Variants in ARID1B observed in about 807,000 individuals in gnomAD.
ARID1B encodes AT-rich interactive domain-containing protein 1B.
A neutral mutation model predicts 212.3 loss-of-function variants in ARID1B; 30 were observed. The observed-to-expected ratio is 0.14, with a 90% CI of 0.11 to 0.19. The LOEUF (loss-of-function observed/expected upper bound fraction) is 0.19, where lower values mean the gene tolerates loss of function less well. Ranked by LOEUF, ARID1B falls within the 10% of genes least tolerant of loss-of-function variation. The pLI is 1.00. For synonymous variants in ARID1B, 1,402 were observed against 1,301.7 expected (o/e 1.08, Z -1.66); for missense variants, 2,891 against 3,204.0 (o/e 0.90, Z 2.36).
chr6:157,012,664 T>C (rs1389265939), intron 4 of ARID1B, among the ~76,000 whole-genome samples: 1 of 152,208 alleles, frequency 6.6e-6, no homozygotes, highest in African/African-American at 2.4e-5. Flanking sequence ...CCTCAAATAA[T>C]TGTACGTGAC....
In ARID1B at chr6:156,976,818, A is replaced by C. The variant is rs530048032; in HGVS notation, c.2247+41242A>C. 31 of 573,586 alleles carry C rather than the reference A, an allele frequency of 5.4e-5. No homozygotes were observed. The African/African-American group carries it at 5.4e-4, about 10-fold the overall frequency. The allele number at this position is 573,586 out of a possible 1,614,324, so 35.5% of individuals were successfully genotyped here. A position where few individuals can be genotyped will look rare whatever the true frequency, so the allele number is the denominator to read the frequency against. On this transcript the variant is annotated intron_variant, in intron 4 of 19. Transcript: ENST00000636930. ...CAGGAAAAACTCCTAACTCAGTTAC[A>C]TTGGCAAATTTGAAATCATTGATGA...
intron 2 of ARID1B, among the ~76,000 whole-genome samples, chr6:156,872,963 G>A (rs950549457): frequency 2.0e-5 from 3 of 152,082 alleles, no homozygotes; most frequent in Admixed American, 6.5e-5. Flanking sequence ...AGGCTACTCC[G>A]TGTGCTGAAG....
At chr6:156,922,588 A>G (rs987141637) in intron 3 of ARID1B, among the ~76,000 whole-genome samples, 3 of 152,292 alleles carry the variant, frequency 2.0e-5, no homozygotes, top group East Asian at 1.9e-4. Context: ...TGTTTCAGTT[A>G]TTTAGAAAAG....
chr6:156,934,946 A>ATATATATATATATATATATATG (rs1792066345), intron 3 of ARID1B, among the ~76,000 whole-genome samples: 1 of 91,202 alleles, frequency 1.1e-5, no homozygotes, highest in South Asian at 3.0e-4. Context: ...ATATATATAT[A>ATATATATATATATATATATATG]TATATATATA....
intron 4 of ARID1B, among the ~76,000 whole-genome samples, chr6:157,061,055 C>A (rs887906789): frequency 2.0e-5 from 3 of 152,188 alleles, no homozygotes; most frequent in Non-Finnish European, 4.4e-5. Flanking sequence ...TGGTCTGTCT[C>A]ACCTCCTGTG....
rs1790435998 is a variant in ARID1B at position 156,917,291 on chromosome 6, T to C, written c.2136+15766T>C. ...AATGGGTATTATGAAAGTGTACTTA[T>C]TTACCTCAGGGTCTGTTGGACAAGC... On this transcript the variant is annotated intron_variant, in intron 3 of 19. Transcript: ENST00000636930. Among the ~76,000 whole-genome samples the C allele has an allele frequency of 2.0e-5, 3 of 152,248 alleles. No homozygotes were observed. In the South Asian group the frequency reaches 6.2e-4, roughly 32 times the overall value.
intron 13 of ARID1B, among the ~76,000 whole-genome samples, chr6:157,187,333 G>A (rs1162170176): frequency 6.6e-6 from 1 of 152,178 alleles, no homozygotes; most frequent in Non-Finnish European, 1.5e-5. Flanking sequence ...GTGGCTGACT[G>A]AATTTCTATT....
intron 5 of ARID1B, among the ~76,000 whole-genome samples, chr6:157,093,497 A>G (rs919291009): frequency 2.0e-5 from 3 of 152,246 alleles, no homozygotes; most frequent in Admixed American, 1.3e-4. Flanking sequence ...GTCATTGACT[A>G]ATGAAGAACA....
intron 2 of ARID1B, among the ~76,000 whole-genome samples, chr6:156,865,947 C>T (rs139735195): frequency 7.2e-5 from 11 of 152,094 alleles, no homozygotes; most frequent in East Asian, 3.9e-4. Context: ...GTTTCCTTGT[C>T]GTCTAACTTG....
intron 4 of ARID1B, among the ~76,000 whole-genome samples, chr6:157,070,746 G>GT (rs1238157121): frequency 3.3e-5 from 5 of 152,152 alleles, no homozygotes; most frequent in Non-Finnish European, 7.4e-5. Flanking sequence ...ATTAGGAACA[G>GT]TTTTATTTAC....
chr6:156,789,408 C>A (rs879328993), intron 1 of ARID1B, among the ~76,000 whole-genome samples: 1 of 152,132 alleles, frequency 6.6e-6, no homozygotes, highest in Non-Finnish European at 1.5e-5. Context: ...GGGCAGAAGG[C>A]ACATGTTTGT....
chr6:157,140,609 A>G (rs1192446617), intron 7 of ARID1B: 10 of 398,422 alleles, frequency 2.5e-5, no homozygotes, highest in Non-Finnish European at 4.4e-5. Context: ...TACCCTTTTT[A>G]TAGAGGAAGA....
intron 4 of ARID1B, among the ~76,000 whole-genome samples, chr6:157,046,370 A>G (rs572756892): frequency 1.3e-5 from 2 of 152,098 alleles, no homozygotes; most frequent in African/African-American, 4.8e-5. Context: ...GTCTCACCTG[A>G]TGTCTGGCTT....
intron 5 of ARID1B, among the ~76,000 whole-genome samples, chr6:157,105,263 A>G (rs917993890): frequency 1.3e-5 from 2 of 152,184 alleles, no homozygotes; most frequent in Non-Finnish European, 2.9e-5. Context: ...TAGAGAGAAT[A>G]GCTTCCTAAC....
chr6:157,025,952 T>C (rs1181069167), intron 4 of ARID1B, among the ~76,000 whole-genome samples: 1 of 149,866 alleles, frequency 6.7e-6, no homozygotes, highest in Non-Finnish European at 1.5e-5. Flanking sequence ...TGAGGTGGAG[T>C]CTCGCCCTGT....
At chr6:156,899,928 T>C (rs111341523) in intron 2 of ARID1B, among the ~76,000 whole-genome samples, 1 of 152,326 alleles carries the variant, frequency 6.6e-6, no homozygotes, top group South Asian at 2.1e-4. Context: ...GTGTGAAATA[T>C]AGTATTAGAT....
chr6:157,040,216 G>A (rs1410667835), intron 4 of ARID1B, among the ~76,000 whole-genome samples: 2 of 152,208 alleles, frequency 1.3e-5, no homozygotes, highest in African/African-American at 4.8e-5. Context: ...GGGATTACAG[G>A]CGCAAGCCAC....
Position 156,778,071 on chromosome 6 carries a change from T to A in ARID1B, c.391T>A (p.Ser131Thr), listed in dbSNP as rs746200189. 2 of 1,538,074 alleles carry A rather than the reference T, an allele frequency of 1.3e-6. No homozygotes were observed. The highest frequency in any genetic ancestry group is 1.7e-6 in the Non-Finnish European group (2 of 1,145,824). ...SSSSAAAAAASSSSSSGPGSA... is the reference protein window; with the variant it reads ...SSSSAAAAAATSSSSSGPGSA... ...CTCCTCCGCGGCGGCAGCGGCGGCA[T>A]CCTCTTCCTCCTCGTCGGGCCCGGG... Residue 131 changes from serine (S) to threonine (T), a missense_variant, in exon 1 of 20, where the codon TCC becomes ACC. Ser to Thr is a moderately conservative substitution (Grantham distance 58, BLOSUM62 1). Transcript: ENST00000636930.
chr6:156,778,386 G>A lies in ARID1B; in HGVS notation c.706G>A (p.Asp236Asn), dbSNP rs1209401384. 2.6e-6 allele frequency: 4 copies of A among 1,536,412 alleles called. No individual in the cohort carries two copies. Among genetic ancestry groups the A allele is most frequent in the South Asian group, 1.2e-5 (1 of 83,902 alleles). Residue 236 changes from aspartate to asparagine, a missense_variant, in exon 1 of 20, where the codon GAC (aspartate) becomes AAC (asparagine). Physicochemically the swap from Asp to Asn is conservative, Grantham distance 23. Coordinates refer to ENST00000636930, the MANE Select transcript of ARID1B (RefSeq NM_001374828.1). ...AGGGAPQPGPDMEQPQHGGAK... is the reference protein window; with the variant it reads ...AGGGAPQPGPNMEQPQHGGAK... The stretch of plus-strand genomic sequence containing the variant: ...CGGCGGCGCGCCTCAGCCCGGCCCC[G>A]ACATGGAGCAGCCGCAACATGGAGG...
Sources: gnomAD v4.1 joint callset for allele counts (sites outside exome capture counted in the v4.1 genomes callset) on GRCh38, gnomAD v4.1.1 for gene constraint, MANE v1.5 for transcripts, NCBI Gene and HGNC (gene_info 2026-07-23, HGNC 2026-07-21) for gene names.